HSPG2: variants seen among roughly 807,000 people sequenced by gnomAD.
The protein encoded by HSPG2 is heparan sulfate proteoglycan 2.
In HSPG2, 278 loss-of-function variants were observed where a neutral mutation model predicts 526.6. The observed-to-expected ratio is 0.53, with a 90% confidence interval of 0.48 to 0.58. The LOEUF is 0.58. Among genes scored for constraint, HSPG2 ranks in the 20% least tolerant of loss-of-function variants. HSPG2 has a pLI of 0.00. For missense variants in HSPG2, 5,354 were observed against 6,099.5 expected (o/e 0.88, Z 4.07); for synonymous variants, 2,465 against 2,555.4 (o/e 0.96, Z 1.07).
At chr1:21,861,873 T>C (rs1046657562) in intron 38 of HSPG2, 30 bp from the exon 39 acceptor site, 7 of 1,613,548 alleles carry the variant, frequency 4.3e-6, no homozygotes, top group Non-Finnish European at 5.9e-6. Flanking sequence ...GGTCAGGTCA[T>C]GGGAAGCCCA....
rs2098038457 is a variant in HSPG2, at chr1:21,839,095, G to A, written c.9890-10C>T. The stretch of plus-strand genomic sequence containing the variant: ...GTGGCATATGGTGGGCCTGAGTGGG[G>A]GGACACAGAGGTCAGGATTGGGGAG... On this transcript the variant is annotated splice_polypyrimidine_tract_variant and intron_variant, in intron 73 of 96. Transcript: ENST00000374695. This position sits in a 1 kb window ranked among gnomAD's most constrained non-coding sequence, Gnocchi z 4.5. 1 of 1,572,134 alleles carries A rather than the reference G, an allele frequency of 6.4e-7. No individual in the cohort carries two copies. The highest frequency in any genetic ancestry group is 8.7e-7 in the Non-Finnish European group (1 of 1,154,720).
intron 77 of HSPG2, among the ~76,000 whole-genome samples, chr1:21,834,204 T>G (rs2098016870): frequency 6.6e-6 from 1 of 152,170 alleles, no homozygotes; most frequent in African/African-American, 2.4e-5. Context: ...ACCTGAGAAG[T>G]GCACACTAGG....
chr1:21,869,606 C>T, intron 33 of HSPG2: 2 of 986,018 alleles, frequency 2.0e-6, no homozygotes, highest in Non-Finnish European at 2.4e-6. Context: ...GGTTGGGCAG[C>T]AAAGCTGGAC....
chr1:21,887,785 AC>A lies in HSPG2; in HGVS notation c.704-112del. ...GTACTCCCCAACACCACTCCCTGCC[AC>A]CCCCTGCCTGGCTCTGTCATCACCC... On this transcript the variant is annotated intron_variant, in intron 7 of 96. Transcript: ENST00000374695. The surrounding 1 kb of genome is among the most constrained non-coding windows in gnomAD (Gnocchi z 5.0). 2 of 1,429,734 alleles carry A rather than the reference AC, an allele frequency of 1.4e-6. No individual in the cohort carries two copies. The highest frequency in any genetic ancestry group is 1.9e-6 in the Non-Finnish European group (2 of 1,038,356). 88.6% of individuals were successfully genotyped at this position (1,429,734 alleles called of 1,614,324 possible). A position where few individuals can be genotyped will look rare whatever the true frequency, so the allele number is the denominator to read the frequency against.
At position 21,872,567 on chromosome 1, in the gene HSPG2, T is replaced by C; in HGVS notation, c.4029+53A>G. ...CTGGGCTCAGTGCTCAGATGGACAG[T>C]AACAGGCAGCAGGTGGCAACACCGC... On this transcript the variant is annotated intron_variant, in intron 32 of 96. Transcript: ENST00000374695. This position sits in a 1 kb window ranked among gnomAD's most constrained non-coding sequence, Gnocchi z 5.5. 6.4e-7 allele frequency: 1 copy of C among 1,553,250 alleles called. No homozygotes were observed. Among genetic ancestry groups the C allele is most frequent in the Non-Finnish European group, 8.7e-7 (1 of 1,147,956 alleles).
intron 1 of HSPG2, among the ~76,000 whole-genome samples, chr1:21,918,122 A>G (rs1351789115): frequency 2.6e-5 from 4 of 152,160 alleles, no homozygotes; most frequent in Non-Finnish European, 1.5e-5. Context: ...ATCCCAGCAG[A>G]GGAGTCCAGA....
chr1:21,934,600 CT>C (rs10711347), intron 1 of HSPG2, among the ~76,000 whole-genome samples: 132,531 of 145,480 alleles, frequency 0.91, 61,100 homozygotes, highest in South Asian at 0.99. Flanking sequence ...GTGATGCCCT[CT>C]TTTTTTTTTT....
chr1:21,882,061 T>A (rs1158100885), intron 13 of HSPG2, among the ~76,000 whole-genome samples: 2 of 151,860 alleles, frequency 1.3e-5, no homozygotes, highest in African/African-American at 4.8e-5. Context: ...TGCCATGGAA[T>A]GATAGCTGGG....
intron 1 of HSPG2, among the ~76,000 whole-genome samples, chr1:21,936,877 A>G (rs1276927727): frequency 6.6e-6 from 1 of 152,060 alleles, no homozygotes; most frequent in Non-Finnish European, 1.5e-5. Flanking sequence ...GCGAGACTCC[A>G]GCACTCGGCA....
intron 1 of HSPG2, among the ~76,000 whole-genome samples, chr1:21,913,391 A>G (rs1643769963): frequency 6.6e-6 from 1 of 152,176 alleles, no homozygotes; most frequent in Non-Finnish European, 1.5e-5. Context: ...TCCTTGGCAA[A>G]GAGAATGCGA....
Position 21,823,138 on chromosome 1 carries a change from T to C in HSPG2, c.*178A>G. ...TGCCTTGCTGGCCAGCCTTGTGGCT[T>C]TGCCCAGCTGTGTGTGTGAGGGTGG... On this transcript the variant is annotated 3_prime_UTR_variant, in exon 97 of 97. Transcript: ENST00000374695. 1 of 581,926 alleles carries C rather than the reference T, an allele frequency of 1.7e-6. No homozygotes were observed. The highest frequency in any genetic ancestry group is 3.4e-5 in the South Asian group (1 of 28,994). 36.0% of individuals were successfully genotyped at this position (581,926 alleles called of 1,614,324 possible).
chr1:21,887,215 G>C lies in HSPG2; in HGVS notation c.1078C>G (p.Pro360Ala), dbSNP rs370772335. Residue 360 changes from proline to alanine, a missense_variant and splice_region_variant, in exon 9 of 97, where the codon CCC becomes GCC. By Grantham distance (27) the Pro-to-Ala change is conservative. Transcript: ENST00000374695. This position sits in a 1 kb window ranked among gnomAD's most constrained non-coding sequence, Gnocchi z 5.0. ...CEDRTDEANC[P>A]TKRPEEVCGP... ...CTCAGCTGGACCCTCGGATACTCAC[G>C]GCAGTTGGCTTCATCAGTTCGGTCC... 8 of 1,613,688 alleles carry C rather than the reference G, an allele frequency of 5.0e-6. No individual in the cohort carries two copies. In the African/African-American group the frequency reaches 8.0e-5, roughly 16 times the overall value.
At position 21,859,781 on chromosome 1, in the gene HSPG2, C is replaced by T; in HGVS notation, c.5182+54G>A. The T allele has an allele frequency of 3.1e-6, 5 of 1,601,604 alleles. No individual in the cohort carries two copies. The highest frequency in any genetic ancestry group is 2.3e-5 in the South Asian group (2 of 88,870). On this transcript the variant is annotated intron_variant, in intron 41 of 96. Transcript: ENST00000374695. The surrounding 1 kb of genome is among the most constrained non-coding windows in gnomAD (Gnocchi z 5.3). Reference sequence around the variant, plus strand: ...CACTAGGGCAGGGACAGGCCCCTGCCTCCCCTCCCACTGGGATGGCTCTTG... The same window carrying T: ...CACTAGGGCAGGGACAGGCCCCTGCTTCCCCTCCCACTGGGATGGCTCTTG...
chr1:21,927,415 C>T (rs908682203), intron 1 of HSPG2, among the ~76,000 whole-genome samples: 1 of 152,116 alleles, frequency 6.6e-6, no homozygotes, highest in Non-Finnish European at 1.5e-5. Flanking sequence ...AGCAGCCCCA[C>T]ATCCCACCAA....
chr1:21,880,787 C>G lies in HSPG2; in HGVS notation c.1867G>C (p.Ala623Pro). Residue 623 changes from alanine to proline, a missense_variant, in exon 15 of 97, where the codon GCC (alanine) becomes CCC (proline). Coordinates refer to ENST00000374695, the MANE Select transcript of HSPG2 (RefSeq NM_005529.7). ...TGCACTGGCTCCAGCATGCCACGGGCCAACTCGTAGCGCACGTTGTAACGC... is the reference window on the plus strand; with the variant it reads ...TGCACTGGCTCCAGCATGCCACGGGGCAACTCGTAGCGCACGTTGTAACGC... ...SLRYNVRYEL[A>P]RGMLEPVQRP... 6.3e-7 allele frequency: 1 copy of G among 1,598,880 alleles called. No individual in the cohort carries two copies. The highest frequency in any genetic ancestry group is 8.5e-7 in the Non-Finnish European group (1 of 1,173,600).
At chr1:21,874,151 A>T in intron 28 of HSPG2, 140 bp from the exon 29 acceptor site, 2 of 850,924 alleles carry the variant, frequency 2.4e-6, no homozygotes, top group Non-Finnish European at 3.8e-6. Flanking sequence ...CATGCCTGGC[A>T]CTGTGCTAAG....
chr1:21,933,681 C>A (rs2152806842), intron 1 of HSPG2, among the ~76,000 whole-genome samples: 1 of 152,346 alleles, frequency 6.6e-6, no homozygotes, highest in South Asian at 2.1e-4. Flanking sequence ...GGGAAATGGG[C>A]CTAAGGGATG....
rs1352939982 is a variant in HSPG2, at chr1:21,822,845, G to A, written c.*471C>T. ...GTGAGCTGCCTTTTGCTCCACAGCCGGCACTAAAGACAATTCCCAATCCTG... is the reference window on the plus strand; with the variant it reads ...GTGAGCTGCCTTTTGCTCCACAGCCAGCACTAAAGACAATTCCCAATCCTG... On this transcript the variant is annotated 3_prime_UTR_variant, in exon 97 of 97. Coordinates refer to ENST00000374695, the MANE Select transcript of HSPG2 (RefSeq NM_005529.7). The A allele has an allele frequency of 1.2e-5, 2 of 161,370 alleles. No homozygotes were observed. The highest frequency in any genetic ancestry group is 1.8e-4 in the East Asian group (1 of 5,472). The allele number at this position is 161,370 out of a possible 1,614,324, so 10.0% of individuals were successfully genotyped here. A position where few individuals can be genotyped will look rare whatever the true frequency, so the allele number is the denominator to read the frequency against.
Position 21,874,950 on chromosome 1 carries a change from G to C in HSPG2, c.3355C>G (p.Pro1119Ala). Residue 1119 changes from proline (P) to alanine (A), a missense_variant, in exon 26 of 97, where the codon CCC (proline) becomes GCC (alanine). Transcript: ENST00000374695. ...GAGCACTGTTCCACTTCCAGCGCGG[G>C]GTCCTGGCCGGTTTCCTCGGGCACA... ...VAVPEETGQD[P>A]ALEVEQCSCP... 1 of 1,611,838 alleles carries C rather than the reference G, an allele frequency of 6.2e-7. No homozygotes were observed. Among genetic ancestry groups the C allele is most frequent in the South Asian group, 1.1e-5 (1 of 90,552 alleles).
Sources: allele counts gnomAD v4.1 joint callset (sites outside exome capture counted in the v4.1 genomes callset), GRCh38; gene constraint gnomAD v4.1.1; non-coding constraint Gnocchi (gnomAD v3.1); transcripts MANE v1.5; gene names NCBI Gene and HGNC (gene_info 2026-07-23, HGNC 2026-07-21).